FAM47E: variants seen among roughly 807,000 people sequenced by gnomAD.
FAM47E encodes family with sequence similarity 47 member E.
Under a neutral mutation model 41.6 loss-of-function variants are expected in FAM47E, and 32 were observed. That is an observed-to-expected ratio of 0.77 (90% CI 0.58 to 1.03). The LOEUF is 1.03. FAM47E is among the 50% of genes least tolerant of loss of function. FAM47E has a pLI of 0.00. For synonymous variants in FAM47E, 184 were observed against 188.7 expected, an observed-to-expected ratio of 0.98 and a Z score of 0.20; for missense variants, 424 against 485.4, an observed-to-expected ratio of 0.87 and a Z score of 1.19.
At chr4:76,219,714 T>C (rs138083729) in intron 2 of FAM47E, among the ~76,000 whole-genome samples, 6 of 151,698 alleles carry the variant, frequency 4.0e-5, no homozygotes, top group East Asian at 1.9e-4. Flanking sequence ...TGGCCAGAGA[T>C]AGGGGTGCAG....
chr4:76,217,026 G>T (rs1733219864), intron 1 of FAM47E, among the ~76,000 whole-genome samples: 1 of 152,108 alleles, frequency 6.6e-6, no homozygotes, highest in Non-Finnish European at 1.5e-5. Flanking sequence ...TTGACACAAA[G>T]CCCCAAAATC....
intron 2 of FAM47E, among the ~76,000 whole-genome samples, chr4:76,237,117 G>T (rs551959684): frequency 6.6e-6 from 1 of 151,692 alleles, no homozygotes. Flanking sequence ...GGATGGTCTC[G>T]ATCTCCTGAC....
exon 2 of FAM47E, chr4:76,217,678 C>T (rs1423556956): frequency 1.6e-6 from 1 of 640,966 alleles, no homozygotes; most frequent in Non-Finnish European, 2.8e-6. Flanking sequence ...CTTTTCACTA[C>T]CCAATCTCAG....
rs1338498259 is a variant in FAM47E at position 76,283,501 on chromosome 4, A to T, written c.*43A>T. ...GATTAGGCAGATTTTATTACTACGTACTTGGCTATTTCTCTGTCTCCTTTT... is the reference window on the plus strand; with the variant it reads ...GATTAGGCAGATTTTATTACTACGTTCTTGGCTATTTCTCTGTCTCCTTTT... On this transcript the variant is annotated 3_prime_UTR_variant, in exon 8 of 8. Coordinates refer to ENST00000424749, the MANE Select transcript of FAM47E (RefSeq NM_001136570.3). 8.6e-7 allele frequency: 1 copy of T among 1,168,998 alleles called. No homozygotes were observed. Among genetic ancestry groups the T allele is most frequent in the Non-Finnish European group, 1.2e-6 (1 of 801,936 alleles). 72.4% of individuals were successfully genotyped at this position (1,168,998 alleles called of 1,614,324 possible).
chr4:76,280,530 CT>C (rs1439864181), intron 7 of FAM47E, 189 bp downstream of exon 7: 107 of 483,304 alleles, frequency 2.2e-4, no homozygotes, highest in South Asian at 3.0e-4. Context: ...GCATTTTGCC[CT>C]TTTTATTCTG....
At chr4:76,250,947 C>A (rs76836387), upstream of FAM47E, among the ~76,000 whole-genome samples, 1 of 152,036 alleles carries the variant, frequency 6.6e-6, no homozygotes, top group Non-Finnish European at 1.5e-5. Flanking sequence ...CAGGTAGATA[C>A]TATTATTTTC....
chr4:76,235,954 CATAGCTAGTAAACAGT>C (rs1305130664), intron 2 of FAM47E, among the ~76,000 whole-genome samples: 1 of 152,204 alleles, frequency 6.6e-6, no homozygotes, highest in Non-Finnish European at 1.5e-5. Flanking sequence ...CCCAAGGTTG[CATAGCTAGTAAACAGT>C]AGAGCCAGGA....
At chr4:76,274,416 A>T (rs1735015119) in intron 5 of FAM47E, among the ~76,000 whole-genome samples, 1 of 151,948 alleles carries the variant, frequency 6.6e-6, no homozygotes, top group Non-Finnish European at 1.5e-5. Flanking sequence ...CTACAAAAAA[A>T]AATTTAGAAA....
chr4:76,261,328 T>A (rs1370605792), intron 2 of FAM47E, among the ~76,000 whole-genome samples: 1 of 152,318 alleles, frequency 6.6e-6, no homozygotes. Flanking sequence ...ACTGGGTATC[T>A]ACCCAAAGGA....
chr4:76,234,134 G>A (rs1333673012), intron 2 of FAM47E, among the ~76,000 whole-genome samples: 1 of 152,144 alleles, frequency 6.6e-6, no homozygotes. Context: ...GGGAGGGGAG[G>A]GTGGAGGGGA....
intron 5 of FAM47E, among the ~76,000 whole-genome samples, chr4:76,273,856 A>T (rs1384332075): frequency 6.8e-5 from 10 of 146,480 alleles, no homozygotes; most frequent in East Asian, 2.0e-4. Context: ...TAAATTCTCT[A>T]TTTTTTTTTC....
At chr4:76,258,903 A>C (rs1289347272) in intron 2 of FAM47E, among the ~76,000 whole-genome samples, 2 of 152,206 alleles carry the variant, frequency 1.3e-5, no homozygotes, top group South Asian at 4.1e-4. Flanking sequence ...ATAAGTGTCA[A>C]CCTGACAAGA....
Position 76,271,610 on chromosome 4 carries a change from G to C in FAM47E, c.712G>C (p.Asp238His). 1.3e-6 allele frequency: 2 copies of C among 1,552,162 alleles called. No individual in the cohort carries two copies. Among genetic ancestry groups the C allele is most frequent in the Non-Finnish European group, 1.7e-6 (2 of 1,147,092 alleles). Residue 238 changes from aspartate (D) to histidine (H), a missense_variant, in exon 5 of 8, where the codon GAC becomes CAC. Coordinates refer to ENST00000424749, the MANE Select transcript of FAM47E (RefSeq NM_001136570.3). ...TGAAGAGTTCATCTTGAAACAGTTT[G>C]ACATTGACTATGAGACCAAACCAAG... ...IDEEFILKQF[D>H]IDYETKPSHD...
intron 1 of FAM47E, among the ~76,000 whole-genome samples, chr4:76,254,679 AT>A (rs1734115039): frequency 1.3e-5 from 2 of 152,200 alleles, no homozygotes; most frequent in African/African-American, 4.8e-5. Flanking sequence ...CAAGGATTAG[AT>A]TTGGTGTAAA....
chr4:76,245,928 T>A (rs1189024529), intron 2 of FAM47E, among the ~76,000 whole-genome samples: 1 of 152,202 alleles, frequency 6.6e-6, no homozygotes, highest in South Asian at 2.1e-4. Context: ...TGTAATCCCC[T>A]ATCTGCCATC....
intron 2 of FAM47E, among the ~76,000 whole-genome samples, chr4:76,233,960 A>C (rs1445296707): frequency 6.6e-6 from 1 of 152,224 alleles, no homozygotes; most frequent in Admixed American, 6.5e-5. Context: ...AAGTTTAAAA[A>C]ATGCCTGGGG....
intron 2 of FAM47E, among the ~76,000 whole-genome samples, chr4:76,256,898 T>C (rs1164207023): frequency 6.6e-6 from 1 of 152,200 alleles, no homozygotes; most frequent in Non-Finnish European, 1.5e-5. Context: ...TTTTTGTCAC[T>C]TTAGCCTGGT....
upstream of FAM47E, among the ~76,000 whole-genome samples, chr4:76,249,054 C>G (rs1176432240): frequency 6.6e-6 from 1 of 151,974 alleles, no homozygotes; most frequent in Non-Finnish European, 1.5e-5. Flanking sequence ...TGGTGAAACT[C>G]CCATCTCTAT....
At chr4:76,250,947 C>T (rs76836387), upstream of FAM47E, among the ~76,000 whole-genome samples, 13,211 of 152,122 alleles carry the variant, frequency 0.087, 1,024 homozygotes, top group East Asian at 0.41. Flanking sequence ...CAGGTAGATA[C>T]TATTATTTTC....
Sources: gnomAD v4.1 joint callset for allele counts (sites outside exome capture counted in the v4.1 genomes callset) on GRCh38, gnomAD v4.1.1 for gene constraint, MANE v1.5 for transcripts, NCBI Gene and HGNC (gene_info 2026-07-23, HGNC 2026-07-21) for gene names.